The following LIMCH1 variants were observed in gnomAD, a reference collection of about 807,000 sequenced individuals.
The protein encoded by LIMCH1 is LIM and calponin homology domains-containing protein 1.
LIMCH1 carries 113 observed loss-of-function variants against 176.5 expected under a neutral mutation model. The observed-to-expected ratio is 0.64, with a 90% CI of 0.55 to 0.75. The LOEUF (loss-of-function observed/expected upper bound fraction) is 0.75, where lower values mean the gene tolerates loss of function less well. Among genes scored for constraint, LIMCH1 ranks in the 30% least tolerant of loss-of-function variants. The pLI is 0.00. For missense variants in LIMCH1, 1,674 were observed against 1,814.9 expected (o/e 0.92, Z 1.41); for synonymous variants, 619 against 645.9 (o/e 0.96, Z 0.63).
intron 1 of LIMCH1, among the ~76,000 whole-genome samples, chr4:41,553,490 A>G (rs1382522147): frequency 2.0e-5 from 3 of 152,122 alleles, no homozygotes; most frequent in Non-Finnish European, 4.4e-5. Flanking sequence ...GCATGAGCAA[A>G]GTGTGCAAGA....
intron 1 of LIMCH1, among the ~76,000 whole-genome samples, chr4:41,445,674 C>T (rs753058579): frequency 2.0e-5 from 3 of 152,150 alleles, no homozygotes; most frequent in Non-Finnish European, 2.9e-5. Context: ...CTGTATCTTT[C>T]CACGATACTT....
chr4:41,591,225 C>A (rs6447098), intron 1 of LIMCH1, among the ~76,000 whole-genome samples: 13,062 of 151,352 alleles, frequency 0.086, 1,834 homozygotes, highest in African/African-American at 0.3. Context: ...TCTCTTTTTT[C>A]TTTTTCTTTC....
At chr4:41,608,726 C>T (rs2152779990) in intron 4 of LIMCH1, among the ~76,000 whole-genome samples, 1 of 152,114 alleles carries the variant, frequency 6.6e-6, no homozygotes, top group Middle Eastern at 3.4e-3. Flanking sequence ...TTCACTGAGA[C>T]TGGATATGTC....
intron 1 of LIMCH1, among the ~76,000 whole-genome samples, chr4:41,376,696 A>G (rs1010068511): frequency 6.6e-6 from 1 of 152,218 alleles, no homozygotes; most frequent in African/African-American, 2.4e-5. Context: ...GGTAAGACAT[A>G]TTTCTGGGAA....
chr4:41,452,857 C>G (rs1421128906), intron 1 of LIMCH1, among the ~76,000 whole-genome samples: 1 of 152,188 alleles, frequency 6.6e-6, no homozygotes, highest in Non-Finnish European at 1.5e-5. Flanking sequence ...TAAATGTGTA[C>G]TTTTCTGTTG....
rs112716869 is a variant in LIMCH1 at position 41,407,129 on chromosome 4, A to T, written c.96+46193A>T. On this transcript the variant is annotated intron_variant, in intron 1 of 26. Coordinates refer to the LIMCH1 transcript ENST00000313860. ...TAATGGATGCCCTTCCAACTTTCTA[A>T]TAAGGAGGCTTTGTGTTGGTCCTCG... Among the ~76,000 whole-genome samples the T allele has an allele frequency of 2.2e-3, 341 of 152,234 alleles. 1 individual carries two copies. Among genetic ancestry groups the T allele is most frequent in the African/African-American group, 7.3e-3 (304 of 41,546 alleles).
In LIMCH1 at chr4:41,455,573, T is replaced by C. The variant is rs573610096; in HGVS notation, c.97-38963T>C. Among the ~76,000 whole-genome samples, 22 of 152,332 alleles carry C rather than the reference T, an allele frequency of 1.4e-4. No individual in the cohort carries two copies. The South Asian group carries it at 4.6e-3, about 32-fold the overall frequency. ...CTATTTCCAGGTGGTTGGCATCATT[T>C]ATTGAGTTGTCTGCTAGAGTTATTT... On this transcript the variant is annotated intron_variant, in intron 1 of 26. Transcript: ENST00000313860.
intron 1 of LIMCH1, among the ~76,000 whole-genome samples, chr4:41,392,993 G>T (rs2057412477): frequency 6.6e-6 from 1 of 152,160 alleles, no homozygotes. Flanking sequence ...TCGCGCCGCT[G>T]CACTCCAGCC....
chr4:41,626,003 C>A (rs984310515), intron 7 of LIMCH1, among the ~76,000 whole-genome samples: 4 of 151,696 alleles, frequency 2.6e-5, no homozygotes, highest in Non-Finnish European at 5.9e-5. Context: ...GGTGACAGAA[C>A]AAGACCCTGT....
At chr4:41,696,993 C>G (rs951798315) in intron 31 of LIMCH1, among the ~76,000 whole-genome samples, 167 bp from the exon 32 acceptor site, 3 of 152,154 alleles carry the variant, frequency 2.0e-5, no homozygotes, top group African/African-American at 7.2e-5. Context: ...GATGCCAGTA[C>G]TACTTGTCCT....
chr4:41,659,130 A>G (rs543350045), intron 18 of LIMCH1, among the ~76,000 whole-genome samples: 1 of 152,328 alleles, frequency 6.6e-6, no homozygotes, highest in African/African-American at 2.4e-5. Flanking sequence ...ATAGCAAACA[A>G]TGTAAACACA....
chr4:41,626,657 A>AT (rs1416728139), intron 7 of LIMCH1, 51 bp from the exon 8 acceptor site: 20 of 1,442,874 alleles, frequency 1.4e-5, no homozygotes, highest in South Asian at 3.9e-5. Context: ...TGGAGATTTA[A>AT]TTTTTTTTGT....
intron 31 of LIMCH1, 133 bp from the exon 32 acceptor site, chr4:41,697,027 A>G (rs1731230668): frequency 4.9e-6 from 4 of 818,820 alleles, no homozygotes; most frequent in Non-Finnish European, 8.3e-6. Context: ...AAGTAGCAGG[A>G]TGGGAGAAGT....
Position 41,697,236 on chromosome 4 carries a change from C to G in LIMCH1, c.*51C>G. On this transcript the variant is annotated 3_prime_UTR_variant, in exon 32 of 32. Transcript: ENST00000503057. ...TCACCATTTCTTTACTGAGAGTGTC[C>G]CCTGGCAACTGCTTAACAAAATCCC... is the stretch of plus-strand genomic sequence containing the variant. The G allele has an allele frequency of 6.4e-7, 1 of 1,567,266 alleles. No homozygotes were observed. Among genetic ancestry groups the G allele is most frequent in the Non-Finnish European group, 8.8e-7 (1 of 1,138,470 alleles).
chr4:41,542,682 C>A (rs2078827002), intron 1 of LIMCH1, among the ~76,000 whole-genome samples: 1 of 152,126 alleles, frequency 6.6e-6, no homozygotes, highest in East Asian at 1.9e-4. Context: ...AAAGTTTATT[C>A]CACGTTGATA....
At chr4:41,624,857 G>C (rs1217717576) in intron 7 of LIMCH1, among the ~76,000 whole-genome samples, 1 of 152,110 alleles carries the variant, frequency 6.6e-6, no homozygotes, top group East Asian at 1.9e-4. Flanking sequence ...CCCCTCACCT[G>C]CTTTGAGTCC....
chr4:41,584,310 GA>G (rs1229165664), intron 1 of LIMCH1, among the ~76,000 whole-genome samples: 2 of 152,180 alleles, frequency 1.3e-5, no homozygotes, highest in East Asian at 3.9e-4. Context: ...TGTAGAAATG[GA>G]TTGAAAGTTG....
At chr4:41,636,052 G>A (rs981363263) in intron 13 of LIMCH1, among the ~76,000 whole-genome samples, 12 of 151,886 alleles carry the variant, frequency 7.9e-5, no homozygotes, top group Non-Finnish European at 1.2e-4. Context: ...GACCACAGGC[G>A]TACACCACTA....
intron 1 of LIMCH1, among the ~76,000 whole-genome samples, chr4:41,413,225 T>G (rs1174390410): frequency 1.3e-5 from 2 of 151,972 alleles, no homozygotes; most frequent in Non-Finnish European, 2.9e-5. Flanking sequence ...TAAGTTTTTT[T>G]TTTTTTTTTT....
Sources: allele counts gnomAD v4.1 joint callset (sites outside exome capture counted in the v4.1 genomes callset), GRCh38; gene constraint gnomAD v4.1.1; transcripts MANE v1.5; gene names NCBI Gene and HGNC (gene_info 2026-07-23, HGNC 2026-07-21).